The following EPHA3 variants were observed in gnomAD, a reference collection of about 807,000 sequenced individuals.
EPHA3 encodes ephrin type-A receptor 3.
Under a neutral mutation model 107.1 loss-of-function variants are expected in EPHA3, and 42 were observed. That is an observed-to-expected ratio of 0.39 (90% CI 0.31 to 0.51). The LOEUF (loss-of-function observed/expected upper bound fraction) is 0.51, where lower values mean the gene tolerates loss of function less well. Ranked by LOEUF, EPHA3 falls within the 20% of genes least tolerant of loss-of-function variation. The pLI, the probability that EPHA3 is intolerant of heterozygous loss-of-function variation, is 0.78. For synonymous variants in EPHA3, 461 were observed against 424.8 expected, an observed-to-expected ratio of 1.09 and a Z score of -1.05; for missense variants, 1,183 against 1,211.2, an observed-to-expected ratio of 0.98 and a Z score of 0.35.
intron 2 of EPHA3, among the ~76,000 whole-genome samples, chr3:89,130,243 C>A (rs982625319): frequency 2.5e-4 from 38 of 152,152 alleles, no homozygotes; most frequent in African/African-American, 8.4e-4. Context: ...ATGACAGTGG[C>A]TAAATTGAGA....
intron 1 of EPHA3, among the ~76,000 whole-genome samples, chr3:89,113,485 C>CAAAAAAAAAAAAAAAAAAAAAAA (rs753848304): frequency 3.2e-5 from 1 of 31,102 alleles, no homozygotes; most frequent in African/African-American, 9.6e-5. Context: ...TTCCTTTGTA[C>CAAAAAAAAAAAAAAAAAAAAAAA]AAAAAAAAAA....
At chr3:89,393,239 AG>A (rs1423873145) in intron 5 of EPHA3, among the ~76,000 whole-genome samples, 4 of 152,196 alleles carry the variant, frequency 2.6e-5, no homozygotes, top group Non-Finnish European at 4.4e-5. Context: ...TACTTAAGTA[AG>A]TGTGGAATTA....
chr3:89,210,838 A>C (rs1704057255), intron 3 of EPHA3, among the ~76,000 whole-genome samples: 1 of 152,134 alleles, frequency 6.6e-6, no homozygotes, highest in Non-Finnish European at 1.5e-5. Flanking sequence ...AAAACATTCT[A>C]TCTCTTTTAT....
intron 3 of EPHA3, among the ~76,000 whole-genome samples, chr3:89,252,128 T>C (rs1232336870): frequency 2.6e-5 from 4 of 152,158 alleles, no homozygotes; most frequent in Non-Finnish European, 5.9e-5. Flanking sequence ...AAAAGAAATA[T>C]GAAATATTTT....
At chr3:89,221,239 T>C (rs1704366955) in intron 3 of EPHA3, among the ~76,000 whole-genome samples, 1 of 152,182 alleles carries the variant, frequency 6.6e-6, no homozygotes, top group South Asian at 2.1e-4. Context: ...TACTTTTCAT[T>C]GTGTCCTCTC....
intron 10 of EPHA3, among the ~76,000 whole-genome samples, chr3:89,417,868 G>A (rs866661765): frequency 6.6e-6 from 1 of 151,364 alleles, no homozygotes; most frequent in Non-Finnish European, 1.5e-5. Context: ...TGGATTTTAA[G>A]TGACTTTGCC....
rs756617988 is a variant in EPHA3, at chr3:89,431,260, T to G, written c.2247T>G (p.Ala749=). ...DMGYVHRDLA[A]RNILINSNLV... is the part of the protein sequence containing the mutation. The stretch of plus-strand genomic sequence containing the variant: ...GCTATGTTCACCGAGACCTCGCTGC[T>G]CGGAACATCTTGATCAACAGTAACT... The change falls in exon 13 of 17, where the codon GCT becomes GCG. Residue 749 remains alanine, a synonymous_variant. Coordinates refer to ENST00000336596, the MANE Select transcript of EPHA3 (RefSeq NM_005233.6). The G allele has an allele frequency of 6.2e-7, 1 of 1,613,764 alleles. No homozygotes were observed. Among genetic ancestry groups the G allele is most frequent in the Non-Finnish European group, 8.5e-7 (1 of 1,179,950 alleles).
At position 89,224,348 on chromosome 3, in the gene EPHA3, A is replaced by T. The variant is rs572813274; in HGVS notation, c.814+13828A>T. On this transcript the variant is annotated intron_variant, in intron 3 of 16. Coordinates refer to ENST00000336596, the MANE Select transcript of EPHA3 (RefSeq NM_005233.6). ...CCAGGGCAAATGAGTTGGGATAGTT[A>T]ATTTACAATAAAATGATAAAAGAAA... Among the ~76,000 whole-genome samples the T allele has an allele frequency of 2.6e-3, 397 of 152,342 alleles. 1 individual carries two copies. Among genetic ancestry groups the T allele is most frequent in the African/African-American group, 8.9e-3 (371 of 41,578 alleles).
At chr3:89,473,682 A>C (rs2107576356) in intron 16 of EPHA3, among the ~76,000 whole-genome samples, 1 of 152,320 alleles carries the variant, frequency 6.6e-6, no homozygotes, top group East Asian at 1.9e-4. Context: ...CTAAGTTACC[A>C]GGAGAGAAAG....
At chr3:89,405,148 A>T (rs1709033051) in intron 7 of EPHA3, among the ~76,000 whole-genome samples, 1 of 152,044 alleles carries the variant, frequency 6.6e-6, no homozygotes, top group Admixed American at 6.6e-5. Flanking sequence ...TGTCATTTAT[A>T]AAGGCAAGGA....
chr3:89,164,190 G>A lies in EPHA3; in HGVS notation c.153+36917G>A, dbSNP rs139781708. Among the ~76,000 whole-genome samples the A allele has an allele frequency of 1.2e-3, 183 of 152,222 alleles. 5 individuals are homozygous for A. The East Asian group carries it at 0.032, about 27-fold the overall frequency. On this transcript the variant is annotated intron_variant, in intron 2 of 16. Coordinates refer to ENST00000336596, the MANE Select transcript of EPHA3 (RefSeq NM_005233.6). ...GAATGTCCAATCTTTTGTCTCCCCT[G>A]GGTCAAATTAGAAGAAGAATAATTG... is the stretch of plus-strand genomic sequence containing the variant.
At chr3:89,145,774 CAA>C (rs1187821519) in intron 2 of EPHA3, among the ~76,000 whole-genome samples, 1 of 150,374 alleles carries the variant, frequency 6.7e-6, no homozygotes, top group Non-Finnish European at 1.5e-5. Context: ...TTTTTTTTCT[CAA>C]GTGTGTCTAG....
intron 3 of EPHA3, among the ~76,000 whole-genome samples, chr3:89,236,595 G>GT (rs1184371859): frequency 8.4e-6 from 1 of 119,078 alleles, no homozygotes; most frequent in South Asian, 3.5e-4. Flanking sequence ...GTGGGGGGAG[G>GT]GGGGAGGGAT....
At chr3:89,209,004 G>A (rs1706196773) in intron 2 of EPHA3, among the ~76,000 whole-genome samples, 1 of 152,172 alleles carries the variant, frequency 6.6e-6, no homozygotes, top group Non-Finnish European at 1.5e-5. Context: ...ACACACTTAC[G>A]ATGCTAAGTT....
chr3:89,320,596 G>T (rs1330087494), intron 3 of EPHA3, among the ~76,000 whole-genome samples: 2 of 117,322 alleles, frequency 1.7e-5, no homozygotes, highest in Non-Finnish European at 1.9e-5. Flanking sequence ...CAATCCCATG[G>T]ACTTTTTTTT....
Position 89,143,651 on chromosome 3 carries a change from C to G in EPHA3, c.153+16378C>G, listed in dbSNP as rs1704477914. ...AAAGATAGTACAGAGTTGCCATTCTCTCCACCTACTTTCTCATAATGTTAA... is the reference window on the plus strand; with the variant it reads ...AAAGATAGTACAGAGTTGCCATTCTGTCCACCTACTTTCTCATAATGTTAA... On this transcript the variant is annotated intron_variant, in intron 2 of 16. Transcript: ENST00000336596. 2.6e-5 allele frequency among the ~76,000 whole-genome samples: 4 copies of G among 151,544 alleles called. No individual in the cohort carries two copies. The Admixed American group carries it at 2.6e-4, about 10-fold the overall frequency.
intron 3 of EPHA3, among the ~76,000 whole-genome samples, chr3:89,276,176 C>T (rs1162978186): frequency 1.3e-5 from 2 of 152,108 alleles, no homozygotes; most frequent in African/African-American, 4.8e-5. Context: ...TCCCCCAGAA[C>T]ATACTCTGAT....
At position 89,479,919 on chromosome 3, in the gene EPHA3, A is replaced by G. The variant is rs1006843840; in HGVS notation, c.*417A>G. The G allele has an allele frequency of 5.0e-5, 12 of 240,184 alleles. No individual in the cohort carries two copies. Among genetic ancestry groups the G allele is most frequent in the African/African-American group, 2.6e-4 (12 of 45,510 alleles). The allele number at this position is 240,184 out of a possible 1,614,324, so 14.9% of individuals were successfully genotyped here. ...TTTATATACAGAGGAAATCTGTAAC[A>G]GGTATTTTGTTTCTTTTAAAGCAAG... On this transcript the variant is annotated 3_prime_UTR_variant, in exon 17 of 17. Transcript: ENST00000336596.
At chr3:89,404,947 A>G (rs1376992047) in intron 7 of EPHA3, among the ~76,000 whole-genome samples, 1 of 152,170 alleles carries the variant, frequency 6.6e-6, no homozygotes, top group South Asian at 2.1e-4. Context: ...CATTTTTGAA[A>G]TATTGGATTA....
Sources: allele counts gnomAD v4.1 joint callset (sites outside exome capture counted in the v4.1 genomes callset), GRCh38; gene constraint gnomAD v4.1.1; transcripts MANE v1.5; gene names NCBI Gene and HGNC (gene_info 2026-07-23, HGNC 2026-07-21).